The following LMO7 variants were observed in gnomAD, a reference collection of about 807,000 sequenced individuals.
LMO7 encodes LIM domain only protein 7.
In LMO7, 120 loss-of-function variants were observed where a neutral mutation model predicts 206.5. That is an observed-to-expected ratio of 0.58 (90% CI 0.50 to 0.68). The LOEUF is 0.68. LMO7 is among the 30% of genes least tolerant of loss of function. LMO7 has a pLI of 0.00. For missense variants in LMO7, 1,959 were observed against 1,957.9 expected (o/e 1.00, Z -0.01); for synonymous variants, 706 against 681.5 (o/e 1.04, Z -0.56).
intron 3 of LMO7, chr13:75,760,682 C>T (rs7997101): frequency 0.47 from 717,550 of 1,516,842 alleles, 175,108 homozygotes; most frequent in East Asian, 0.87. Flanking sequence ...TTTAACGTGC[C>T]AGTCACAAAG....
At chr13:75,788,194 A>G (rs2052722240) in intron 4 of LMO7, among the ~76,000 whole-genome samples, 2 of 152,134 alleles carry the variant, frequency 1.3e-5, no homozygotes, top group African/African-American at 4.8e-5. Context: ...TGACACCTAC[A>G]CTTTTCTCCT....
intron 1 of LMO7, among the ~76,000 whole-genome samples, chr13:75,701,606 CT>C (rs1272397715): frequency 6.6e-6 from 1 of 152,156 alleles, no homozygotes; most frequent in Non-Finnish European, 1.5e-5. Context: ...TTGTTCACAT[CT>C]ACTTGTGCCT....
At chr13:75,806,908 G>A (rs1043593289) in intron 9 of LMO7, 2 of 153,040 alleles carry the variant, frequency 1.3e-5, no homozygotes, top group Non-Finnish European at 2.9e-5. Flanking sequence ...ATCACTTGAG[G>A]TCAGGAGTTT....
intron 1 of LMO7, among the ~76,000 whole-genome samples, chr13:75,651,832 A>G (rs2037599224): frequency 6.6e-6 from 1 of 152,098 alleles, no homozygotes; most frequent in Admixed American, 6.5e-5. Flanking sequence ...AAAGGAGATC[A>G]AGTTCAAGAC....
intron 4 of LMO7, among the ~76,000 whole-genome samples, chr13:75,764,926 C>T (rs564873100): frequency 7.2e-5 from 11 of 151,838 alleles, no homozygotes; most frequent in East Asian, 3.9e-4. Flanking sequence ...TTGATATTAA[C>T]GGAGTTTGTT....
exon 2 of LMO7, chr13:75,623,307 C>G: frequency 1.4e-6 from 2 of 1,433,094 alleles, no homozygotes; most frequent in Non-Finnish European, 2.0e-6. Flanking sequence ...TCAGGAAGGA[C>G]TATTCTCATT....
intron 26 of LMO7, among the ~76,000 whole-genome samples, chr13:75,847,495 G>A (rs9530473): frequency 0.64 from 97,890 of 152,048 alleles, 31,981 homozygotes; most frequent in Middle Eastern, 0.71. Context: ...CCATGATTGA[G>A]TGTGCTCTTA....
At chr13:75,681,730 A>ATATATATATATATATATATG in intron 1 of LMO7, among the ~76,000 whole-genome samples, 1 of 130,326 alleles carries the variant, frequency 7.7e-6, no homozygotes, top group African/African-American at 2.8e-5. Context: ...ATATATATAT[A>ATATATATATATATATATATG]TATATATATA....
chr13:75,811,948 T>C (rs559220531), intron 11 of LMO7, among the ~76,000 whole-genome samples: 2 of 152,286 alleles, frequency 1.3e-5, no homozygotes, highest in East Asian at 1.9e-4. Flanking sequence ...ATTTCACTTA[T>C]GGGTTTGGCC....
intron 16 of LMO7, among the ~76,000 whole-genome samples, chr13:75,833,485 A>G (rs187992396): frequency 8.9e-4 from 135 of 152,280 alleles, no homozygotes; most frequent in Middle Eastern, 3.4e-3. Flanking sequence ...AGAGCTTTCC[A>G]TGATCAGCCA....
chr13:75,814,226 A>C (rs1175958828), intron 11 of LMO7, among the ~76,000 whole-genome samples: 1 of 152,232 alleles, frequency 6.6e-6, no homozygotes, highest in Admixed American at 6.5e-5. Flanking sequence ...AGAATTAGAA[A>C]CATTTTAAGT....
chr13:75,668,288 G>A (rs1441256756), intron 1 of LMO7, among the ~76,000 whole-genome samples: 1 of 152,222 alleles, frequency 6.6e-6, no homozygotes, highest in Non-Finnish European at 1.5e-5. Context: ...TTTCTCTGTA[G>A]TGGTGGCAGT....
intron 1 of LMO7, among the ~76,000 whole-genome samples, chr13:75,700,502 A>T (rs888226574): frequency 2.0e-5 from 3 of 152,244 alleles, no homozygotes; most frequent in Admixed American, 6.5e-5. Flanking sequence ...AATACTGTAG[A>T]TCTTAGCAAC....
chr13:75,631,016 ACTTTTT>A (rs1019168199), intron 2 of LMO7, among the ~76,000 whole-genome samples: 7 of 151,538 alleles, frequency 4.6e-5, no homozygotes, highest in African/African-American at 1.7e-4. Context: ...ATGTCCTTTT[ACTTTTT>A]ATTATTATTA....
At chr13:75,713,161 A>G (rs1448786664) in intron 1 of LMO7, 21 bp from the exon 2 acceptor site, 2 of 1,597,418 alleles carry the variant, frequency 1.3e-6, no homozygotes, top group Non-Finnish European at 8.5e-7. Flanking sequence ...GAGAAAATTA[A>G]CAACCAAACC....
intron 4 of LMO7, among the ~76,000 whole-genome samples, chr13:75,785,255 T>C (rs1287708540): frequency 6.6e-6 from 1 of 152,112 alleles, no homozygotes; most frequent in Non-Finnish European, 1.5e-5. Context: ...GTAGAAAATA[T>C]TTGTGATTAC....
At chr13:75,777,463 C>T (rs965857363) in intron 4 of LMO7, among the ~76,000 whole-genome samples, 6 of 152,102 alleles carry the variant, frequency 3.9e-5, no homozygotes, top group African/African-American at 1.4e-4. Flanking sequence ...GAGTGTTGGT[C>T]TGTTTTCCTG....
chr13:75,833,464 A>G (rs563909609), intron 16 of LMO7, among the ~76,000 whole-genome samples: 8 of 152,290 alleles, frequency 5.3e-5, no homozygotes, highest in African/African-American at 1.2e-4. Flanking sequence ...CGCTTAAGTA[A>G]AGATTCAGAA....
At chr13:75,718,799 C>A (rs2043777199) in intron 2 of LMO7, among the ~76,000 whole-genome samples, 1 of 152,168 alleles carries the variant, frequency 6.6e-6, no homozygotes, top group African/African-American at 2.4e-5. Context: ...TCCTATTCAT[C>A]CCTCCCTTAC....
Sources: allele counts gnomAD v4.1 joint callset (sites outside exome capture counted in the v4.1 genomes callset), GRCh38; gene constraint gnomAD v4.1.1; transcripts MANE v1.5; gene names NCBI Gene and HGNC (gene_info 2026-07-23, HGNC 2026-07-21).